LAMA2: variants seen among roughly 807,000 people sequenced by gnomAD.
LAMA2 encodes laminin subunit alpha-2.
A neutral mutation model predicts 364.8 loss-of-function variants in LAMA2; 269 were observed. The ratio of observed to expected loss-of-function variants is 0.74; its 90% CI spans 0.67 to 0.82. LAMA2 has a LOEUF of 0.82. Ranked by LOEUF, LAMA2 falls within the 40% of genes least tolerant of loss-of-function variation. The probability of loss-of-function intolerance (pLI) is 0.00; values close to 1 mark genes in which losing one functional copy is unlikely to be tolerated. For synonymous variants in LAMA2, 1,379 were observed against 1,370.6 expected, an observed-to-expected ratio of 1.01 and a Z score of -0.14; for missense variants, 3,807 against 3,873.2, an observed-to-expected ratio of 0.98 and a Z score of 0.45.
intron 10 of LAMA2, among the ~76,000 whole-genome samples, chr6:129,181,092 A>G (rs1018455036): frequency 5.9e-5 from 9 of 152,160 alleles, no homozygotes; most frequent in African/African-American, 4.8e-5. Context: ...TACCTTGTGT[A>G]GGACCGAATC....
At chr6:129,172,872 T>A (rs968357923) in intron 9 of LAMA2, among the ~76,000 whole-genome samples, 2 of 152,240 alleles carry the variant, frequency 1.3e-5, no homozygotes, top group Non-Finnish European at 2.9e-5. Flanking sequence ...TATAATCTCA[T>A]GGTTCACCGT....
chr6:129,481,935 G>A (rs117077066), intron 55 of LAMA2, among the ~76,000 whole-genome samples: 3,698 of 152,244 alleles, frequency 0.024, 81 homozygotes, highest in Middle Eastern at 0.041. Flanking sequence ...ATGGATCTGG[G>A]AGAAAGCAAG....
chr6:129,326,598 A>T (rs1775299896), intron 28 of LAMA2, among the ~76,000 whole-genome samples: 1 of 151,274 alleles, frequency 6.6e-6, no homozygotes, highest in Non-Finnish European at 1.5e-5. Context: ...TTACAGTAAT[A>T]ACTTAGTAGA....
At chr6:128,892,739 T>A (rs1582614478) in intron 1 of LAMA2, among the ~76,000 whole-genome samples, 1 of 151,976 alleles carries the variant, frequency 6.6e-6, no homozygotes, top group East Asian at 1.9e-4. Context: ...GTAAAAAAAA[T>A]TCTTGGAATA....
In LAMA2 at chr6:129,270,854, T is replaced by G. The variant is rs1226897183; in HGVS notation, c.2450+103T>G. The G allele has an allele frequency of 2.4e-6, 3 of 1,232,286 alleles. No individual in the cohort carries two copies. The Admixed American group carries it at 5.1e-5, about 21-fold the overall frequency. 76.3% of individuals were successfully genotyped at this position (1,232,286 alleles called of 1,614,324 possible). On this transcript the variant is annotated intron_variant, in intron 17 of 64. Coordinates refer to ENST00000421865, the MANE Select transcript of LAMA2 (RefSeq NM_000426.4). ...CCTTTTATCCCATGTAAATAAATAA[T>G]AAACACAGACATGAATTTTTTCAGG... is the stretch of plus-strand genomic sequence containing the variant.
intron 4 of LAMA2, among the ~76,000 whole-genome samples, chr6:129,107,612 C>A (rs1048842372): frequency 6.6e-6 from 1 of 151,996 alleles, no homozygotes; most frequent in Admixed American, 6.6e-5. Flanking sequence ...AAAACCACAA[C>A]AATAATAATA....
chr6:129,273,208 G>GTA (rs1788062476), intron 17 of LAMA2, among the ~76,000 whole-genome samples: 1 of 152,170 alleles, frequency 6.6e-6, no homozygotes. Context: ...CTGCACTTTG[G>GTA]TATATATGCG....
At chr6:129,385,646 A>G (rs911568049) in intron 35 of LAMA2, among the ~76,000 whole-genome samples, 1 of 152,152 alleles carries the variant, frequency 6.6e-6, no homozygotes, top group Non-Finnish European at 1.5e-5. Context: ...ATCTCACTAT[A>G]ATTTTATAAT....
intron 12 of LAMA2, among the ~76,000 whole-genome samples, chr6:129,200,280 A>G (rs1394564359): frequency 1.3e-5 from 2 of 149,114 alleles, no homozygotes; most frequent in Non-Finnish European, 3.0e-5. Context: ...ATGTGTATAT[A>G]TATACGTGTA....
intron 3 of LAMA2, among the ~76,000 whole-genome samples, chr6:129,061,867 C>G (rs1272657657): frequency 6.6e-6 from 1 of 151,902 alleles, no homozygotes; most frequent in African/African-American, 2.4e-5. Flanking sequence ...AGGATGGTGT[C>G]CATCCATATC....
At chr6:128,883,478 G>A (rs1239077817) in intron 1 of LAMA2, 121 bp downstream of exon 1, 7 of 1,482,314 alleles carry the variant, frequency 4.7e-6, no homozygotes, top group South Asian at 1.2e-5. Context: ...CAGAGAGTGC[G>A]CTCTGGGGCA....
intron 1 of LAMA2, among the ~76,000 whole-genome samples, chr6:128,970,746 A>G (rs943743788): frequency 6.6e-6 from 1 of 152,192 alleles, no homozygotes; most frequent in Non-Finnish European, 1.5e-5. Flanking sequence ...TTTGTGATAG[A>G]ATTACCATCA....
At chr6:129,457,397 A>G (rs1182064186) in intron 48 of LAMA2, among the ~76,000 whole-genome samples, 1 of 152,078 alleles carries the variant, frequency 6.6e-6, no homozygotes, top group Non-Finnish European at 1.5e-5. Context: ...ATAGATAAAT[A>G]TAGGGATAGC....
Position 129,505,148 on chromosome 6 carries a change from A to T in LAMA2, c.8548-52A>T. 3 of 1,482,514 alleles carry T rather than the reference A, an allele frequency of 2.0e-6. No individual in the cohort carries two copies. In the South Asian group the frequency reaches 3.4e-5, roughly 17 times the overall value. The allele number at this position is 1,482,514 out of a possible 1,614,324, so 91.8% of individuals were successfully genotyped here. On this transcript the variant is annotated intron_variant, in intron 60 of 64. Transcript: ENST00000421865. ...AGAGTCCTTATGTCTTATACTCTGC[A>T]TATGTGAAATTTGTTCAGGATTGGC...
intron 10 of LAMA2, among the ~76,000 whole-genome samples, chr6:129,189,659 C>A (rs1781418835): frequency 6.6e-6 from 1 of 152,078 alleles, no homozygotes; most frequent in African/African-American, 2.4e-5. Context: ...CTGATCTTTA[C>A]CCCAGTTTCT....
intron 12 of LAMA2, among the ~76,000 whole-genome samples, chr6:129,232,796 C>T (rs887458592): frequency 2.0e-5 from 3 of 151,938 alleles, no homozygotes; most frequent in East Asian, 1.9e-4. Flanking sequence ...CCAGGTGGAC[C>T]GAATCCAGTC....
In LAMA2 at chr6:129,372,441, A is replaced by G. The variant is rs112742708; in HGVS notation, c.4959+2451A>G. Among the ~76,000 whole-genome samples the G allele has an allele frequency of 2.7e-4, 41 of 152,292 alleles. 1 individual carries two copies. The highest frequency in any genetic ancestry group is 9.4e-4 in the African/African-American group (39 of 41,566). On this transcript the variant is annotated intron_variant, in intron 34 of 64. Coordinates refer to ENST00000421865, the MANE Select transcript of LAMA2 (RefSeq NM_000426.4). ...TAGCTTCTTTCCCTTGGTAATATAC[A>G]CTTAAGGTTTCTCCATATTTTTTCA... is the stretch of plus-strand genomic sequence containing the variant.
intron 4 of LAMA2, among the ~76,000 whole-genome samples, chr6:129,129,650 C>A (rs1174626071): frequency 6.6e-6 from 1 of 152,044 alleles, no homozygotes; most frequent in Non-Finnish European, 1.5e-5. Context: ...TTTGGCCGGG[C>A]GCGGTGGCTC....
intron 8 of LAMA2, among the ~76,000 whole-genome samples, chr6:129,164,421 C>T (rs935823113): frequency 6.6e-6 from 1 of 152,198 alleles, no homozygotes; most frequent in East Asian, 1.9e-4. Context: ...AGCAAAACTA[C>T]AGATGAGGTG....
Sources: allele counts gnomAD v4.1 joint callset (sites outside exome capture counted in the v4.1 genomes callset), GRCh38; gene constraint gnomAD v4.1.1; transcripts MANE v1.5; gene names NCBI Gene and HGNC (gene_info 2026-07-23, HGNC 2026-07-21).